Variants in PTPRD observed in about 807,000 individuals in gnomAD.
PTPRD encodes protein tyrosine phosphatase receptor type D, also known as receptor-type tyrosine-protein phosphatase delta.
In PTPRD, 34 loss-of-function variants were observed where a neutral mutation model predicts 214.5. The observed-to-expected ratio is 0.16, with a 90% confidence interval of 0.12 to 0.21. PTPRD has a LOEUF of 0.21. Ranked by LOEUF, PTPRD falls within the 10% of genes least tolerant of loss-of-function variation. The probability of loss-of-function intolerance (pLI) is 1.00; values close to 1 mark genes in which losing one functional copy is unlikely to be tolerated. For synonymous variants in PTPRD, 1,128 were observed against 845.7 expected (o/e 1.33, Z -5.79); for missense variants, 2,545 against 2,398.7 (o/e 1.06, Z -1.27).
intron 36 of PTPRD, among the ~76,000 whole-genome samples, chr9:8,393,973 A>G (rs2090374789): frequency 2.0e-5 from 3 of 152,120 alleles, no homozygotes; most frequent in Admixed American, 2.0e-4. Context: ...AGAGATTGTG[A>G]TGAGGTGAAT....
intron 5 of PTPRD, among the ~76,000 whole-genome samples, chr9:9,933,339 C>T (rs568643319): frequency 0.12 from 17,402 of 146,824 alleles, 1,316 homozygotes; most frequent in African/African-American, 0.37. Context: ...ACCCATCTCA[C>T]ATGCAGAGAC....
At chr9:10,599,446 G>A (rs921767393) in intron 2 of PTPRD, among the ~76,000 whole-genome samples, 1 of 151,680 alleles carries the variant, frequency 6.6e-6, no homozygotes, top group African/African-American at 2.4e-5. Flanking sequence ...CTACTGCAGT[G>A]TAGCATATGG....
intron 12 of PTPRD, among the ~76,000 whole-genome samples, chr9:8,668,064 A>T (rs2097204177): frequency 6.6e-6 from 1 of 152,188 alleles, no homozygotes; most frequent in Non-Finnish European, 1.5e-5. Flanking sequence ...TGCAAAAGTG[A>T]AGATACCCAA....
intron 7 of PTPRD, among the ~76,000 whole-genome samples, chr9:9,607,464 T>C (rs1281240670): frequency 6.6e-6 from 1 of 152,156 alleles, no homozygotes; most frequent in Non-Finnish European, 1.5e-5. Context: ...ATAAGGAAAC[T>C]AGCTGAAAAC....
chr9:9,250,215 A>G (rs964444187), intron 9 of PTPRD, among the ~76,000 whole-genome samples: 2 of 152,054 alleles, frequency 1.3e-5, no homozygotes, highest in Non-Finnish European at 2.9e-5. Context: ...GAGCATGAGC[A>G]TGTGTAGCTT....
intron 12 of PTPRD, among the ~76,000 whole-genome samples, chr9:8,654,068 T>A (rs903182013): frequency 2.0e-5 from 3 of 152,194 alleles, no homozygotes. Flanking sequence ...TTGAGCAACA[T>A]CCCTGGCTTC....
At chr9:9,123,660 C>T (rs529871950) in intron 10 of PTPRD, among the ~76,000 whole-genome samples, 1 of 152,224 alleles carries the variant, frequency 6.6e-6, no homozygotes, top group Non-Finnish European at 1.5e-5. Flanking sequence ...ATTATACTTT[C>T]TCGAGTGAAA....
intron 3 of PTPRD, among the ~76,000 whole-genome samples, chr9:10,052,197 C>T (rs986986349): frequency 2.6e-5 from 4 of 152,148 alleles, no homozygotes; most frequent in African/African-American, 7.2e-5. Flanking sequence ...ATCTGATCTT[C>T]ATATAGCACC....
chr9:9,775,336 T>C (rs2098788922), intron 5 of PTPRD, among the ~76,000 whole-genome samples: 3 of 152,192 alleles, frequency 2.0e-5, no homozygotes. Context: ...AATTTTAATC[T>C]ACGGGTTTTA....
chr9:9,863,675 T>A (rs1385187605), intron 5 of PTPRD, among the ~76,000 whole-genome samples: 3 of 152,124 alleles, frequency 2.0e-5, no homozygotes, highest in Non-Finnish European at 4.4e-5. Context: ...GTGACCCTCT[T>A]ACGTCACTGA....
At chr9:8,377,528 A>G (rs1349198426) in intron 37 of PTPRD, among the ~76,000 whole-genome samples, 1 of 152,104 alleles carries the variant, frequency 6.6e-6, no homozygotes, top group African/African-American at 2.4e-5. Flanking sequence ...AAAAAGTATA[A>G]TGAAAAGTAA....
intron 5 of PTPRD, among the ~76,000 whole-genome samples, chr9:9,843,297 G>C (rs2058755841): frequency 1.3e-5 from 2 of 151,900 alleles, no homozygotes; most frequent in African/African-American, 4.8e-5. Flanking sequence ...TTTATAAATA[G>C]TTGTTACACC....
intron 3 of PTPRD, among the ~76,000 whole-genome samples, chr9:10,259,306 G>A (rs1169307035): frequency 6.6e-6 from 1 of 152,086 alleles, no homozygotes; most frequent in African/African-American, 2.4e-5. Context: ...TTACAGGCGT[G>A]AGCCACCGCG....
chr9:9,710,665 A>C (rs2097708694), intron 7 of PTPRD, among the ~76,000 whole-genome samples: 3 of 152,074 alleles, frequency 2.0e-5, no homozygotes, highest in African/African-American at 7.2e-5. Flanking sequence ...CTAAAAAATT[A>C]ACTAAATTCC....
chr9:10,531,156 G>C (rs756866418), intron 2 of PTPRD, among the ~76,000 whole-genome samples: 1 of 151,870 alleles, frequency 6.6e-6, no homozygotes, highest in Non-Finnish European at 1.5e-5. Context: ...CACCATGTTG[G>C]TCAGGCTGGT....
intron 11 of PTPRD, among the ~76,000 whole-genome samples, chr9:8,987,376 G>A (rs1048533127): frequency 9.2e-5 from 14 of 152,026 alleles, no homozygotes; most frequent in Admixed American, 3.9e-4. Context: ...AGGAGCATGC[G>A]TTGCAGTACA....
intron 12 of PTPRD, among the ~76,000 whole-genome samples, chr9:8,722,224 C>T (rs986332278): frequency 1.3e-5 from 2 of 151,648 alleles, no homozygotes; most frequent in African/African-American, 4.8e-5. Context: ...TTCAGGATCT[C>T]ATTTAAACTT....
chr9:8,858,104 C>CTCCTCCTCT (rs2097985661), intron 11 of PTPRD: 6 of 165,294 alleles, frequency 3.6e-5, no homozygotes, highest in East Asian at 3.6e-4. Context: ...CCTCCTCCTC[C>CTCCTCCTCT]TCCTCCTCTT....
chr9:8,413,310 A>G (rs920161960), intron 35 of PTPRD, among the ~76,000 whole-genome samples: 2 of 152,184 alleles, frequency 1.3e-5, no homozygotes. Flanking sequence ...GAATTTCTAA[A>G]TTGAAACATA....
Sources: gnomAD v4.1 joint callset for allele counts (sites outside exome capture counted in the v4.1 genomes callset) on GRCh38, gnomAD v4.1.1 for gene constraint, MANE v1.5 for transcripts, NCBI Gene and HGNC (gene_info 2026-07-23, HGNC 2026-07-21) for gene names.